Variants in SHTN1 observed in about 807,000 individuals in gnomAD.
SHTN1 encodes shootin-1.
In SHTN1, 42 loss-of-function variants were observed where a neutral mutation model predicts 83.1. The ratio of observed to expected loss-of-function variants is 0.51; its 90% CI spans 0.39 to 0.65. The LOEUF is 0.65. SHTN1 is among the 30% of genes least tolerant of loss of function. The pLI is 0.00. For synonymous variants in SHTN1, 224 were observed against 247.7 expected (o/e 0.90, Z 0.90); for missense variants, 622 against 737.8 (o/e 0.84, Z 1.82).
Position 116,882,420 on chromosome 10 carries a change from T to C in SHTN1, c.*3924A>G, listed in dbSNP as rs956342171. 1 of 95,874 alleles carries C rather than the reference T, an allele frequency of 1.0e-5. No individual in the cohort carries two copies. Among genetic ancestry groups the C allele is most frequent in the Non-Finnish European group, 2.0e-5 (1 of 48,886 alleles). 5.9% of individuals were successfully genotyped at this position (95,874 alleles called of 1,614,324 possible). ...TGATAAAAAAAAAAAAAAAAAATGA[T>C]GTGACATATCCATTGCCTGAATTGC... On this transcript the variant is annotated 3_prime_UTR_variant, in exon 17 of 17. Transcript: ENST00000355371.
Position 116,901,750 on chromosome 10 carries a change from A to C in SHTN1, c.1673+15T>G, listed in dbSNP as rs1354082411. 2 of 1,571,950 alleles carry C rather than the reference A, an allele frequency of 1.3e-6. No homozygotes were observed. The highest frequency in any genetic ancestry group is 1.7e-6 in the Non-Finnish European group (2 of 1,164,510). ...TTCTTCTATACACCACTTAGTAAAG[A>C]GCATCGTTACTTACTGAAACGTAAC... On this transcript the variant is annotated intron_variant, in intron 16 of 16. Transcript: ENST00000355371.
intron 9 of SHTN1, among the ~76,000 whole-genome samples, chr10:116,933,567 T>C (rs960915980): frequency 2.0e-5 from 3 of 152,206 alleles, no homozygotes; most frequent in East Asian, 1.9e-4. Context: ...CAGTCTATCA[T>C]TGATGGGCAT....
At chr10:117,021,093 C>T (rs1270918357) in intron 2 of SHTN1, among the ~76,000 whole-genome samples, 2 of 152,196 alleles carry the variant, frequency 1.3e-5, no homozygotes, top group Non-Finnish European at 2.9e-5. Context: ...ACAATGATGG[C>T]CAGGCGCGGT....
chr10:117,018,939 T>C (rs1319063333), intron 2 of SHTN1, among the ~76,000 whole-genome samples: 1 of 152,032 alleles, frequency 6.6e-6, no homozygotes, highest in East Asian at 1.9e-4. Flanking sequence ...GAAAAAGAAA[T>C]AAAATGCATA....
At chr10:117,010,170 T>C (rs1029521868), upstream of SHTN1, among the ~76,000 whole-genome samples, 23 of 114,770 alleles carry the variant, frequency 2.0e-4, no homozygotes, top group Admixed American at 2.1e-3. Flanking sequence ...AAATTGACAA[T>C]CCTTTCCCTA....
intron 1 of SHTN1, among the ~76,000 whole-genome samples, chr10:117,050,676 A>G (rs1454767922): frequency 1.3e-5 from 2 of 151,978 alleles, no homozygotes; most frequent in Non-Finnish European, 2.9e-5. Context: ...AACAAAATGG[A>G]CAAACCTTAG....
At chr10:117,049,396 C>T (rs35973384) in intron 1 of SHTN1, among the ~76,000 whole-genome samples, 1 of 151,914 alleles carries the variant, frequency 6.6e-6, no homozygotes, top group Non-Finnish European at 1.5e-5. Context: ...AACAAAAAAC[C>T]TCATAGAATT....
At chr10:117,014,808 A>G (rs1289643231) in intron 2 of SHTN1, among the ~76,000 whole-genome samples, 1 of 152,258 alleles carries the variant, frequency 6.6e-6, no homozygotes, top group African/African-American at 2.4e-5. Flanking sequence ...ACCTAATTTT[A>G]AAATAGTACC....
chr10:117,105,601 T>TAC (rs939313838), intron 1 of SHTN1, among the ~76,000 whole-genome samples: 3 of 152,210 alleles, frequency 2.0e-5, no homozygotes, highest in Non-Finnish European at 2.9e-5. Flanking sequence ...TTTACAAACG[T>TAC]AGTCCAAAGA....
intron 16 of SHTN1, chr10:116,900,208 T>G: frequency 4.0e-6 from 1 of 247,724 alleles, no homozygotes; most frequent in East Asian, 7.4e-5. Flanking sequence ...TAATCGAGCA[T>G]TAGGTTTCAA....
intron 1 of SHTN1, among the ~76,000 whole-genome samples, chr10:116,985,800 T>G (rs543797859): frequency 6.6e-6 from 1 of 152,214 alleles, no homozygotes; most frequent in Non-Finnish European, 1.5e-5. Context: ...AATGAGGACA[T>G]GAGTCACAAA....
At chr10:116,962,050 CT>C (rs921236762) in intron 3 of SHTN1, among the ~76,000 whole-genome samples, 5 of 120,696 alleles carry the variant, frequency 4.1e-5, no homozygotes, top group East Asian at 6.0e-4. Context: ...CTCCCCCCCC[CT>C]TCCACATCAC....
intron 16 of SHTN1, among the ~76,000 whole-genome samples, chr10:116,887,204 T>A (rs1428700177): frequency 6.6e-6 from 1 of 152,062 alleles, no homozygotes; most frequent in Non-Finnish European, 1.5e-5. Flanking sequence ...GAGAATCAGG[T>A]TTCTTGAGAA....
At chr10:117,100,005 C>T (rs1021684985) in intron 1 of SHTN1, among the ~76,000 whole-genome samples, 1 of 151,922 alleles carries the variant, frequency 6.6e-6, no homozygotes, top group African/African-American at 2.4e-5. Flanking sequence ...TGGAGAAACC[C>T]CGTCTCTACT....
chr10:116,969,142 G>A (rs116032106), intron 2 of SHTN1, among the ~76,000 whole-genome samples: 108 of 152,160 alleles, frequency 7.1e-4, no homozygotes, highest in African/African-American at 2.3e-3. Flanking sequence ...AAAGACTACC[G>A]CAGGCCAGGC....
intron 1 of SHTN1, among the ~76,000 whole-genome samples, chr10:117,059,975 C>T (rs975689466): frequency 1.3e-4 from 20 of 152,098 alleles, no homozygotes; most frequent in African/African-American, 4.6e-4. Flanking sequence ...CTTTGGGAGG[C>T]CAACGTGGGA....
In SHTN1 at chr10:116,951,934, C is replaced by T. The variant is rs1387466448; in HGVS notation, c.509G>A (p.Ser170Asn). 4.4e-6 allele frequency: 7 copies of T among 1,595,382 alleles called. No homozygotes were observed. The highest frequency in any genetic ancestry group is 1.7e-5 in the Admixed American group (1 of 59,458). ...ILAIELENLK[S>N]KLVEVIEEVN... is the part of the protein sequence containing the mutation. ...TTCTTCAATTACTTCTACGAGTTTGCTCTTGAGATTTTCCAGCTCAATGGC... is the reference window on the plus strand; with the variant it reads ...TTCTTCAATTACTTCTACGAGTTTGTTCTTGAGATTTTCCAGCTCAATGGC... Residue 170 changes from serine (S) to asparagine (N), a missense_variant, in exon 6 of 17, where the codon AGC becomes AAC. Coordinates refer to ENST00000355371, the MANE Select transcript of SHTN1 (RefSeq NM_001127211.3).
intron 1 of SHTN1, among the ~76,000 whole-genome samples, chr10:117,109,582 T>TTTTTTTTTTTTTTTTG (rs1236067569): frequency 7.3e-6 from 1 of 136,378 alleles, no homozygotes; most frequent in African/African-American, 2.8e-5. Flanking sequence ...TTTTTTTTTT[T>TTTTTTTTTTTTTTTTG]GAGAGGGAGT....
At chr10:116,916,905 A>G (rs1848403606) in intron 12 of SHTN1, among the ~76,000 whole-genome samples, 2 of 152,228 alleles carry the variant, frequency 1.3e-5, no homozygotes, top group African/African-American at 2.4e-5. Context: ...ACCTCTCAAC[A>G]TCTAAACAAC....
Sources: allele counts gnomAD v4.1 joint callset (sites outside exome capture counted in the v4.1 genomes callset), GRCh38; gene constraint gnomAD v4.1.1; transcripts MANE v1.5; gene names NCBI Gene and HGNC (gene_info 2026-07-23, HGNC 2026-07-21).